The following RBCK1 variants were observed in gnomAD, a reference collection of about 807,000 sequenced individuals.
The protein encoded by RBCK1 is RANBP2-type and C3HC4-type zinc finger containing 1, also known as ranBP-type and C3HC4-type zinc finger-containing protein 1.
Under a neutral mutation model 71.1 loss-of-function variants are expected in RBCK1, and 44 were observed. The observed-to-expected ratio is 0.62, with a 90% CI of 0.49 to 0.80. The LOEUF (loss-of-function observed/expected upper bound fraction) is 0.80, where lower values mean the gene tolerates loss of function less well. RBCK1 is among the 30% of genes least tolerant of loss of function. The pLI, the probability that RBCK1 is intolerant of heterozygous loss-of-function variation, is 0.00. For synonymous variants in RBCK1, 306 were observed against 279.7 expected, an observed-to-expected ratio of 1.09 and a Z score of -0.94; for missense variants, 569 against 685.0, an observed-to-expected ratio of 0.83 and a Z score of 1.89.
chr20:412,377 A>G (rs1371739322), intron 2 of RBCK1, among the ~76,000 whole-genome samples: 2 of 151,558 alleles, frequency 1.3e-5, no homozygotes, highest in African/African-American at 2.4e-5. Flanking sequence ...CAGGAGTGCA[A>G]TGGTGCAATC....
At chr20:427,638 G>C (rs894045581) in intron 9 of RBCK1, 146 bp downstream of exon 9, 44 of 912,952 alleles carry the variant, frequency 4.8e-5, no homozygotes, top group Non-Finnish European at 2.5e-5. Context: ...GGAGAGTGTG[G>C]CTTGAGCCTG....
At chr20:409,555 G>A (rs553008945) in intron 1 of RBCK1, among the ~76,000 whole-genome samples, 1 of 151,972 alleles carries the variant, frequency 6.6e-6, no homozygotes, top group Admixed American at 6.6e-5. Flanking sequence ...ATAAATCTCT[G>A]TGGGATTCCA....
rs2016501513 is a variant in RBCK1 at position 422,539 on chromosome 20, CAG to C, written c.1029+302_1029+303del. ...GAAGGACAGCAGAGTTGTTAAGAAT[CAG>C]GGACTCGGCTGGGCGTGGCAGCTCA... On this transcript the variant is annotated intron_variant, in intron 8 of 11. Transcript: ENST00000356286. The surrounding 1 kb of genome is among the most constrained non-coding windows in gnomAD (Gnocchi z 5.0). Among the ~76,000 whole-genome samples the C allele has an allele frequency of 2.0e-5, 3 of 152,080 alleles. No individual in the cohort carries two copies. The highest frequency in any genetic ancestry group is 2.0e-4 in the Admixed American group (3 of 15,260).
At chr20:419,229 C>T in intron 4 of RBCK1, 118 bp from the exon 5 acceptor site, 1 of 1,401,586 alleles carries the variant, frequency 7.1e-7, no homozygotes, top group Non-Finnish European at 9.7e-7. Context: ...GAGGTACCCC[C>T]AGGGAGGAGG....
chr20:423,541 CAA>C (rs1234289913), intron 8 of RBCK1, among the ~76,000 whole-genome samples: 1 of 152,068 alleles, frequency 6.6e-6, no homozygotes. Context: ...ATTTAAAAAA[CAA>C]TACAGCATAA....
At chr20:409,263 A>G (rs1231124027) in intron 1 of RBCK1, among the ~76,000 whole-genome samples, 4 of 152,160 alleles carry the variant, frequency 2.6e-5, no homozygotes, top group African/African-American at 4.8e-5. Flanking sequence ...CTGGAGCCCC[A>G]CTGGCTTCCT....
At chr20:408,888 C>A in intron 1 of RBCK1, 109 bp downstream of exon 1, 2 of 1,262,520 alleles carry the variant, frequency 1.6e-6, no homozygotes, top group Non-Finnish European at 2.2e-6. Flanking sequence ...TTTAGCCTGC[C>A]CTCCCTCTAC....
rs2122324309 is a variant in RBCK1 at position 427,327 on chromosome 20, G to A, written c.1044G>A (p.Glu348=). ...TGTGTTGGCAGCTCCTGACCCCTGA[G>A]GATTACCAGCGATTTCTAGACCTGG... ...EREIKALLTP[E]DYQRFLDLGI... Residue 348 remains glutamate, a synonymous_variant, in exon 9 of 12, where the codon GAG becomes GAA. Transcript: ENST00000356286. 6.2e-7 allele frequency: 1 copy of A among 1,614,038 alleles called. No homozygotes were observed. The highest frequency in any genetic ancestry group is 1.7e-5 in the Admixed American group (1 of 59,996).
At chr20:416,095 A>G (rs192080108) in intron 2 of RBCK1, among the ~76,000 whole-genome samples, 37 of 151,514 alleles carry the variant, frequency 2.4e-4, no homozygotes, top group African/African-American at 7.0e-4. Flanking sequence ...GTCATTTACT[A>G]TCTCCCGTTT....
Position 427,337 on chromosome 20 carries a change from C to T in RBCK1, c.1054C>T (p.Arg352Ter), listed in dbSNP as rs780854072. 26 of 1,613,952 alleles carry T rather than the reference C, an allele frequency of 1.6e-5. No homozygotes were observed. Among genetic ancestry groups the T allele is most frequent in the East Asian group, 8.9e-5 (4 of 44,894 alleles). Residue 352 changes from arginine (R) to a stop codon, truncating the protein, a stop_gained, in exon 9 of 12, where the codon CGA becomes TGA. Coordinates refer to ENST00000356286, the MANE Select transcript of RBCK1 (RefSeq NM_031229.4). LOFTEE classifies it high-confidence loss of function. ...GCTCCTGACCCCTGAGGATTACCAG[C>T]GATTTCTAGACCTGGGCATCTCCAT... is the stretch of plus-strand genomic sequence containing the variant. Reference protein sequence around the residue: ...KALLTPEDYQRFLDLGISIAE... With the variant: ...KALLTPEDYQ
At chr20:410,625 AG>A (rs1278251710) in intron 2 of RBCK1, 1 of 765,606 alleles carries the variant, frequency 1.3e-6, no homozygotes, top group African/African-American at 1.7e-5. Flanking sequence ...GCTAGAATTC[AG>A]GGGTTCGCTT....
chr20:421,281 C>G (rs1270401029), intron 7 of RBCK1, among the ~76,000 whole-genome samples: 1 of 152,182 alleles, frequency 6.6e-6, no homozygotes, highest in Non-Finnish European at 1.5e-5. Context: ...GGGAGACTCC[C>G]TTCCCCTCTA....
At position 417,571 on chromosome 20, in the gene RBCK1, C is replaced by G; in HGVS notation, c.213C>G (p.Ile71Met). The G allele has an allele frequency of 1.2e-6, 2 of 1,614,026 alleles. No homozygotes were observed. Among genetic ancestry groups the G allele is most frequent in the Non-Finnish European group, 1.7e-6 (2 of 1,180,018 alleles). Residue 71 changes from isoleucine to methionine, a missense_variant, in exon 3 of 12, where the codon ATC becomes ATG. Around this residue, in one of 2 missense-constraint regions of RBCK1, gnomAD observed 358 missense variants for 375.6 expected, o/e 0.95. Transcript: ENST00000356286. This position sits in a 1 kb window ranked among gnomAD's most constrained non-coding sequence, Gnocchi z 4.7. ...VEDAQMHTVT[I>M]WLTVRPDMTV... ...ATGCTCAGATGCACACCGTCACCAT[C>G]TGGCTCACAGTGCGCCCTGATATGA...
At chr20:421,098 C>T in intron 7 of RBCK1, 67 bp downstream of exon 7, 1 of 1,464,004 alleles carries the variant, frequency 6.8e-7, no homozygotes, top group Non-Finnish European at 9.1e-7. Flanking sequence ...CAGGGCTGGA[C>T]GTGGGTGGGG....
chr20:418,445 T>C (rs796177243), intron 4 of RBCK1, among the ~76,000 whole-genome samples: 9 of 152,250 alleles, frequency 5.9e-5, no homozygotes, highest in African/African-American at 1.4e-4. Flanking sequence ...CTCGGCTCAC[T>C]GCAAGCTCCG....
intron 9 of RBCK1, among the ~76,000 whole-genome samples, chr20:427,835 C>T (rs1170400385): frequency 6.6e-6 from 1 of 152,194 alleles, no homozygotes; most frequent in Non-Finnish European, 1.5e-5. Context: ...CTGACCAAAC[C>T]TGACCCTGCA....
At chr20:418,582 A>G (rs142679585) in intron 4 of RBCK1, among the ~76,000 whole-genome samples, 3,961 of 152,060 alleles carry the variant, frequency 0.026, 66 homozygotes, top group South Asian at 0.037. Context: ...GTTAGCCAGG[A>G]TGGTCTCGAT....
intron 2 of RBCK1, among the ~76,000 whole-genome samples, chr20:410,955 C>T (rs1303050082): frequency 6.6e-6 from 1 of 152,038 alleles, no homozygotes; most frequent in Non-Finnish European, 1.5e-5. Flanking sequence ...CAACCATTGC[C>T]ACAATCAATT....
At chr20:412,499 A>G (rs2015768122) in intron 2 of RBCK1, among the ~76,000 whole-genome samples, 1 of 151,998 alleles carries the variant, frequency 6.6e-6, no homozygotes. Context: ...TTGTATTTTT[A>G]GTAGAGACGG....
Sources: gnomAD v4.1 joint callset for allele counts (sites outside exome capture counted in the v4.1 genomes callset) on GRCh38, gnomAD v4.1.1 for gene constraint, gnomAD v4.1.1 regional missense constraint, Gnocchi (gnomAD v3.1) non-coding constraint, MANE v1.5 for transcripts, NCBI Gene and HGNC (gene_info 2026-07-23, HGNC 2026-07-21) for gene names.